The following LRRC4B variants were observed in gnomAD, a reference collection of about 807,000 sequenced individuals.
LRRC4B encodes leucine-rich repeat-containing protein 4B.
In LRRC4B, 1 loss-of-function variant was observed where a neutral mutation model predicts 7.3. That is an observed-to-expected ratio of 0.14 (90% CI 0.05 to 0.65). The LOEUF is 0.65. Among genes scored for constraint, LRRC4B ranks in the 30% least tolerant of loss-of-function variants. The pLI is 0.84. For synonymous variants in LRRC4B, 500 were observed against 499.2 expected (o/e 1.00, Z -0.02); for missense variants, 730 against 1,041.6 (o/e 0.70, Z 4.12).
In LRRC4B at chr19:50,556,814, G is replaced by A. The variant is rs1982291350; in HGVS notation, c.-35-7941C>T. On this transcript the variant is annotated intron_variant, in intron 1 of 2. Transcript: ENST00000652263. This position sits in a 1 kb window ranked among gnomAD's most constrained non-coding sequence, Gnocchi z 4.2. ...GCAAGGAGCCCTGGGTCTCTAGGGA[G>A]GCAAGTGTGGGGGTGGGGGAGCCGT... Among the ~76,000 whole-genome samples, 1 of 152,172 alleles carries A rather than the reference G, an allele frequency of 6.6e-6. No individual in the cohort carries two copies. The highest frequency in any genetic ancestry group is 2.4e-5 in the African/African-American group (1 of 41,438).
intron 1 of LRRC4B, among the ~76,000 whole-genome samples, chr19:50,566,692 G>A (rs1281224557): frequency 1.3e-5 from 2 of 151,764 alleles, no homozygotes; most frequent in Non-Finnish European, 2.9e-5. Flanking sequence ...AGAGATGGGG[G>A]GAACCCTGAG....
At chr19:50,521,696 G>A (rs1488156056) in intron 2 of LRRC4B, among the ~76,000 whole-genome samples, 1 of 151,596 alleles carries the variant, frequency 6.6e-6, no homozygotes, top group Non-Finnish European at 1.5e-5. Flanking sequence ...AAAGTGCTGG[G>A]ATTACAGGCG....
At chr19:50,522,524 T>C (rs568885593) in intron 2 of LRRC4B, among the ~76,000 whole-genome samples, 1 of 152,198 alleles carries the variant, frequency 6.6e-6, no homozygotes, top group South Asian at 2.1e-4. Flanking sequence ...TCGCCCAGCC[T>C]GGAGTGCAGA....
At chr19:50,550,327 C>T (rs1002679092) in intron 1 of LRRC4B, among the ~76,000 whole-genome samples, 1 of 152,092 alleles carries the variant, frequency 6.6e-6, no homozygotes, top group African/African-American at 2.4e-5. Context: ...CACCAGCAGG[C>T]CCTGCCCCAA....
rs1455349927 is a variant in LRRC4B at position 50,553,967 on chromosome 19, G to A, written c.-35-5094C>T. On this transcript the variant is annotated intron_variant, in intron 1 of 2. Transcript: ENST00000652263. This position sits in a 1 kb window ranked among gnomAD's most constrained non-coding sequence, Gnocchi z 4.2. ...GTCCCCAGGTCCCCTTCCATCCCAGGAGGCCTGCTGGCAGAGGCAGCACCT... is the reference window on the plus strand; with the variant it reads ...GTCCCCAGGTCCCCTTCCATCCCAGAAGGCCTGCTGGCAGAGGCAGCACCT... 6.6e-6 allele frequency among the ~76,000 whole-genome samples: 1 copy of A among 151,106 alleles called. No individual in the cohort carries two copies. The highest frequency in any genetic ancestry group is 2.4e-5 in the African/African-American group (1 of 41,092).
chr19:50,531,356 T>G (rs78900111), intron 2 of LRRC4B, among the ~76,000 whole-genome samples: 1,807 of 152,306 alleles, frequency 0.012, 28 homozygotes, highest in African/African-American at 0.04. Flanking sequence ...CCTTGGTGCC[T>G]CTGGACAGAG....
Position 50,519,175 on chromosome 19 carries a change from G to A in LRRC4B, c.538C>T (p.Arg180Cys). ...TCCAGGCGCCGCAGCGAGGGCACGCGGTTGAAGGCGTAGGAGGGGATGCTC... is the reference window on the plus strand; with the variant it reads ...TCCAGGCGCCGCAGCGAGGGCACGCAGTTGAAGGCGTAGGAGGGGATGCTC... ...IESIPSYAFN[R>C]VPSLRRLDLG... Residue 180 changes from arginine to cysteine, a missense_variant, in exon 3 of 3, where the codon CGC (arginine) becomes TGC (cysteine). Physicochemically the swap from Arg to Cys is radical, Grantham distance 180. This residue lies in a region of LRRC4B where 226 missense variants were observed against 448.0 expected (regional missense o/e 0.50). Transcript: ENST00000652263. This position sits in a 1 kb window ranked among gnomAD's most constrained non-coding sequence, Gnocchi z 8.1. 6.2e-7 allele frequency: 1 copy of A among 1,613,832 alleles called. No individual in the cohort carries two copies. The highest frequency in any genetic ancestry group is 8.5e-7 in the Non-Finnish European group (1 of 1,180,002).
In LRRC4B at chr19:50,537,928, C is replaced by T. The variant is rs1209596518; in HGVS notation, c.297+10614G>A. Among the ~76,000 whole-genome samples the T allele has an allele frequency of 1.3e-5, 2 of 152,288 alleles. No homozygotes were observed. Among genetic ancestry groups the T allele is most frequent in the African/African-American group, 4.8e-5 (2 of 41,564 alleles). ...ACGGACGGCAGAGGGCGCACTGCTCCCTCCTATCCAGAGGACCTCCTGGCT... is the reference window on the plus strand; with the variant it reads ...ACGGACGGCAGAGGGCGCACTGCTCTCTCCTATCCAGAGGACCTCCTGGCT... On this transcript the variant is annotated intron_variant, in intron 2 of 2. Coordinates refer to ENST00000652263, the MANE Select transcript of LRRC4B (RefSeq NM_001080457.2). The surrounding 1 kb of genome is among the most constrained non-coding windows in gnomAD (Gnocchi z 5.5).
chr19:50,528,988 G>A (rs1980937600), intron 2 of LRRC4B, among the ~76,000 whole-genome samples: 1 of 152,140 alleles, frequency 6.6e-6, no homozygotes, highest in African/African-American at 2.4e-5. Flanking sequence ...GCCTGTCCAG[G>A]GCAGGAGAAG....
At chr19:50,530,205 G>A (rs1980993587) in intron 2 of LRRC4B, among the ~76,000 whole-genome samples, 1 of 152,072 alleles carries the variant, frequency 6.6e-6, no homozygotes, top group African/African-American at 2.4e-5. Flanking sequence ...TCCATCTCTG[G>A]GGTCCTGCTA....
chr19:50,564,946 T>G (rs1252181435), intron 1 of LRRC4B, among the ~76,000 whole-genome samples: 2 of 148,914 alleles, frequency 1.3e-5, no homozygotes, highest in Non-Finnish European at 3.0e-5. Flanking sequence ...GCCCTGAGGG[T>G]GTGTGTGCAG....
chr19:50,517,554 C>A lies in LRRC4B; in HGVS notation c.*17G>T, dbSNP rs768524033. The A allele has an allele frequency of 7.1e-7, 1 of 1,415,554 alleles. No homozygotes were observed. The highest frequency in any genetic ancestry group is 9.2e-7 in the Non-Finnish European group (1 of 1,084,148). 87.7% of individuals were successfully genotyped at this position (1,415,554 alleles called of 1,614,324 possible). ...GGTGGGGGGCTCCACGCCCCTCGCCCGCCCGGCCCCGCCGCCTCAGATCTG... is the reference window on the plus strand; with the variant it reads ...GGTGGGGGGCTCCACGCCCCTCGCCAGCCCGGCCCCGCCGCCTCAGATCTG... On this transcript the variant is annotated 3_prime_UTR_variant, in exon 3 of 3. Transcript: ENST00000652263. The surrounding 1 kb of genome is among the most constrained non-coding windows in gnomAD (Gnocchi z 6.6).
In LRRC4B at chr19:50,548,818, G is replaced by A. The variant is rs1331354177; in HGVS notation, c.21C>T (p.Ser7=). ...TACCGGGCGGCAGCGGGGGGCACGGGGAGCCGCGGGCACGCGCCATCCTCA... is the reference window on the plus strand; with the variant it reads ...TACCGGGCGGCAGCGGGGGGCACGGAGAGCCGCGGGCACGCGCCATCCTCA... MARARG[S]PCPPLPPGRM... Residue 7 remains serine, a synonymous_variant, in exon 2 of 3, where the codon TCC becomes TCT. Coordinates refer to ENST00000652263, the MANE Select transcript of LRRC4B (RefSeq NM_001080457.2). The surrounding 1 kb of genome is among the most constrained non-coding windows in gnomAD (Gnocchi z 6.8). 3 of 1,498,398 alleles carry A rather than the reference G, an allele frequency of 2.0e-6. No homozygotes were observed. The highest frequency in any genetic ancestry group is 1.4e-5 in the African/African-American group (1 of 72,276). The allele number at this position is 1,498,398 out of a possible 1,614,324, so 92.8% of individuals were successfully genotyped here. A position where few individuals can be genotyped will look rare whatever the true frequency, so the allele number is the denominator to read the frequency against.
In LRRC4B at chr19:50,548,521, C is replaced by A; in HGVS notation, c.297+21G>T. On this transcript the variant is annotated intron_variant, in intron 2 of 2. Coordinates refer to ENST00000652263, the MANE Select transcript of LRRC4B (RefSeq NM_001080457.2). This position sits in a 1 kb window ranked among gnomAD's most constrained non-coding sequence, Gnocchi z 6.8. ...CCAGTGTCCCCTCCAAGGTCCCCCTCTGCCCGCTGGCCCCGCATACCTGGA... is the reference window on the plus strand; with the variant it reads ...CCAGTGTCCCCTCCAAGGTCCCCCTATGCCCGCTGGCCCCGCATACCTGGA... 1 of 1,577,202 alleles carries A rather than the reference C, an allele frequency of 6.3e-7. No homozygotes were observed.
intron 1 of LRRC4B, among the ~76,000 whole-genome samples, chr19:50,559,961 C>T (rs1318650457): frequency 6.6e-6 from 1 of 152,116 alleles, no homozygotes; most frequent in Admixed American, 6.6e-5. Context: ...ATGGTGAAAC[C>T]CTGTCTCTAA....
intron 1 of LRRC4B, among the ~76,000 whole-genome samples, chr19:50,552,577 C>CGTCCATCCATCT (rs1982112895): frequency 6.6e-6 from 1 of 151,306 alleles, no homozygotes; most frequent in Non-Finnish European, 1.5e-5. Flanking sequence ...TCCACCCATC[C>CGTCCATCCATCT]GTCCATCCAT....
At chr19:50,525,788 G>A (rs890752869) in intron 2 of LRRC4B, among the ~76,000 whole-genome samples, 12 of 151,822 alleles carry the variant, frequency 7.9e-5, no homozygotes, top group Admixed American at 2.6e-4. Context: ...CCTGTCCTCC[G>A]ACTCCCTGTT....
At position 50,556,819 on chromosome 19, in the gene LRRC4B, G is replaced by A. The variant is rs1000585413; in HGVS notation, c.-35-7946C>T. Among the ~76,000 whole-genome samples the A allele has an allele frequency of 8.5e-5, 13 of 152,138 alleles. No homozygotes were observed. The highest frequency in any genetic ancestry group is 6.5e-4 in the Admixed American group (10 of 15,272). On this transcript the variant is annotated intron_variant, in intron 1 of 2. Transcript: ENST00000652263. The surrounding 1 kb of genome is among the most constrained non-coding windows in gnomAD (Gnocchi z 4.2). ...GAGCCCTGGGTCTCTAGGGAGGCAA[G>A]TGTGGGGGTGGGGGAGCCGTCCGAG...
In LRRC4B at chr19:50,518,108, C is replaced by A; in HGVS notation, c.1605G>T (p.Ser535=). ...GRPGDAAGPA[S]SSTTAPAPRS... ...GCGGGGCGGGTGCCGTGGTAGAAGA[C>A]GAGGCAGGGCCGGCCGCGTCCCCAG... Residue 535 remains serine, a synonymous_variant, in exon 3 of 3, where the codon TCG becomes TCT. Transcript: ENST00000652263. 1 of 1,594,678 alleles carries A rather than the reference C, an allele frequency of 6.3e-7. No homozygotes were observed. The highest frequency in any genetic ancestry group is 2.2e-5 in the East Asian group (1 of 44,616).
Sources: allele counts gnomAD v4.1 joint callset (sites outside exome capture counted in the v4.1 genomes callset), GRCh38; gene constraint gnomAD v4.1.1; regional missense constraint gnomAD v4.1.1; non-coding constraint Gnocchi (gnomAD v3.1); transcripts MANE v1.5; gene names NCBI Gene and HGNC (gene_info 2026-07-23, HGNC 2026-07-21).